The following SLC39A11 variants were observed in gnomAD, a reference collection of about 807,000 sequenced individuals.
The protein encoded by SLC39A11 is zinc transporter ZIP11.
A neutral mutation model predicts 36.1 loss-of-function variants in SLC39A11; 33 were observed. That is an observed-to-expected ratio of 0.91 (90% CI 0.69 to 1.22). SLC39A11 has a LOEUF of 1.22. Ranked by LOEUF, SLC39A11 falls within the 50% of genes most tolerant of loss-of-function variation. SLC39A11 has a pLI of 0.00. For missense variants in SLC39A11, 432 were observed against 430.3 expected, an observed-to-expected ratio of 1.00 and a Z score of -0.03; for synonymous variants, 166 against 170.3, an observed-to-expected ratio of 0.97 and a Z score of 0.20.
At chr17:73,029,992 C>A (rs2058687595) in intron 4 of SLC39A11, among the ~76,000 whole-genome samples, 1 of 152,128 alleles carries the variant, frequency 6.6e-6, no homozygotes, top group South Asian at 2.1e-4. Flanking sequence ...TTTCCATGGA[C>A]AGGGGCCGGG....
chr17:72,704,435 G>C (rs2072796660), intron 7 of SLC39A11, among the ~76,000 whole-genome samples: 1 of 152,160 alleles, frequency 6.6e-6, no homozygotes, highest in Admixed American at 6.5e-5. Context: ...CCATCATTTA[G>C]ATTAAAGAAG....
chr17:72,844,715 AG>A (rs535150910), intron 6 of SLC39A11, among the ~76,000 whole-genome samples: 87 of 152,314 alleles, frequency 5.7e-4, no homozygotes, highest in African/African-American at 1.9e-3. Context: ...CCAATGATTC[AG>A]AAATCTATAA....
intron 3 of SLC39A11, among the ~76,000 whole-genome samples, chr17:73,076,764 A>C (rs1490460178): frequency 6.6e-6 from 1 of 151,808 alleles, no homozygotes; most frequent in Non-Finnish European, 1.5e-5. Flanking sequence ...GTGACCTAGG[A>C]GAAGTAAGGG....
chr17:72,977,066 C>T (rs1413500784), intron 4 of SLC39A11, among the ~76,000 whole-genome samples: 2 of 152,056 alleles, frequency 1.3e-5, no homozygotes, highest in African/African-American at 4.8e-5. Context: ...ATAAGATTAC[C>T]CGGTTGGGCC....
Position 72,752,208 on chromosome 17 carries a change from T to C in SLC39A11, c.602-15489A>G, listed in dbSNP as rs191573114. Among the ~76,000 whole-genome samples the C allele has an allele frequency of 1.5e-3, 234 of 152,308 alleles. 3 individuals carry two copies. The highest frequency in any genetic ancestry group is 6.8e-3 in the Middle Eastern group (2 of 294). On this transcript the variant is annotated intron_variant, in intron 6 of 9. Transcript: ENST00000255559. Reference sequence around the variant, plus strand: ...GTGACTTAATAGCTTGACTTGAAAGTGCTGCATCCCAAGTTACCTCTCCTT... The same window carrying C: ...GTGACTTAATAGCTTGACTTGAAAGCGCTGCATCCCAAGTTACCTCTCCTT...
At position 73,080,452 on chromosome 17, in the gene SLC39A11, A is replaced by G. The variant is rs151028015; in HGVS notation, c.147+4356T>C. ...GCCACATATAGAAGAACAAAACTGG[A>G]TCCTCATCTCTCACCTTATACAAAA... On this transcript the variant is annotated intron_variant, in intron 3 of 9. Coordinates refer to ENST00000255559, the MANE Select transcript of SLC39A11 (RefSeq NM_139177.4). 8.0e-3 allele frequency among the ~76,000 whole-genome samples: 1,213 copies of G among 152,320 alleles called. 24 individuals carry two copies. The highest frequency in any genetic ancestry group is 0.027 in the African/African-American group (1,125 of 41,568).
intron 5 of SLC39A11, among the ~76,000 whole-genome samples, chr17:72,871,755 A>C (rs1598209247): frequency 6.6e-6 from 1 of 152,120 alleles, no homozygotes; most frequent in East Asian, 1.9e-4. Flanking sequence ...ATTACCTGTA[A>C]GTAAATTGTT....
intron 6 of SLC39A11, among the ~76,000 whole-genome samples, chr17:72,762,795 C>A (rs943380011): frequency 5.3e-5 from 8 of 151,960 alleles, no homozygotes; most frequent in African/African-American, 1.7e-4. Flanking sequence ...CCATTCGATT[C>A]CTACTCAAAC....
intron 6 of SLC39A11, among the ~76,000 whole-genome samples, chr17:72,780,498 A>G (rs1332537339): frequency 3.9e-5 from 4 of 102,424 alleles, no homozygotes; most frequent in Non-Finnish European, 7.5e-5. Flanking sequence ...CGTGCACCGC[A>G]CAGTGCTAAG....
chr17:72,949,375 G>A (rs944044190), intron 4 of SLC39A11, among the ~76,000 whole-genome samples: 2 of 151,644 alleles, frequency 1.3e-5, no homozygotes, highest in Admixed American at 6.6e-5. Flanking sequence ...TGGCCAGGCT[G>A]GTCTCAAACT....
chr17:72,916,239 C>G (rs1003803542), intron 5 of SLC39A11, among the ~76,000 whole-genome samples: 2 of 149,452 alleles, frequency 1.3e-5, no homozygotes, highest in African/African-American at 2.4e-5. Flanking sequence ...TATATCTGTA[C>G]ACACAAACAC....
At position 73,080,308 on chromosome 17, in the gene SLC39A11, A is replaced by C. The variant is rs145085750; in HGVS notation, c.147+4500T>G. ...ATAGACATGTAGACCAATGGAATAG[A>C]ATAGAGAACCCAGAAATAAAGGTAA... On this transcript the variant is annotated intron_variant, in intron 3 of 9. Transcript: ENST00000255559. Among the ~76,000 whole-genome samples the C allele has an allele frequency of 3.3e-3, 505 of 152,326 alleles. 2 individuals carry two copies. Among genetic ancestry groups the C allele is most frequent in the African/African-American group, 0.012 (485 of 41,574 alleles).
chr17:72,725,178 C>T (rs1482373537), intron 7 of SLC39A11, among the ~76,000 whole-genome samples: 1 of 152,190 alleles, frequency 6.6e-6, no homozygotes, highest in African/African-American at 2.4e-5. Context: ...CCTCTCCCCT[C>T]CAAATGGCAA....
intron 6 of SLC39A11, among the ~76,000 whole-genome samples, chr17:72,783,627 G>C (rs534704630): frequency 3.3e-5 from 5 of 152,200 alleles, no homozygotes; most frequent in African/African-American, 9.7e-5. Context: ...AGTTATCAGC[G>C]TATGGATGGT....
At chr17:72,802,392 C>G (rs966615593) in intron 6 of SLC39A11, among the ~76,000 whole-genome samples, 1 of 151,750 alleles carries the variant, frequency 6.6e-6, no homozygotes, top group Non-Finnish European at 1.5e-5. Flanking sequence ...GAGTTTGAGA[C>G]CAGCCTGACC....
chr17:72,988,814 T>TC (rs1288850559), intron 4 of SLC39A11, among the ~76,000 whole-genome samples: 1 of 152,156 alleles, frequency 6.6e-6, no homozygotes, highest in Non-Finnish European at 1.5e-5. Flanking sequence ...GTTCAAGTGA[T>TC]CCTCCCACCT....
chr17:72,690,118 C>T (rs1012521296), intron 7 of SLC39A11, among the ~76,000 whole-genome samples: 1 of 152,162 alleles, frequency 6.6e-6, no homozygotes, highest in Non-Finnish European at 1.5e-5. Context: ...CTGGGGCAAG[C>T]GAGGCCCATC....
intron 3 of SLC39A11, among the ~76,000 whole-genome samples, chr17:73,076,344 T>C (rs1173088520): frequency 6.6e-6 from 1 of 152,152 alleles, no homozygotes; most frequent in African/African-American, 2.4e-5. Context: ...ACTTGCGAAA[T>C]ATATTTTTGC....
intron 3 of SLC39A11, chr17:73,068,339 A>G (rs1456044383): frequency 1.8e-6 from 1 of 551,806 alleles, no homozygotes; most frequent in Middle Eastern, 4.6e-4. Flanking sequence ...ACTATGTTTC[A>G]GGTCTCAATT....
Sources: gnomAD v4.1 joint callset for allele counts (sites outside exome capture counted in the v4.1 genomes callset) on GRCh38, gnomAD v4.1.1 for gene constraint, MANE v1.5 for transcripts, NCBI Gene and HGNC (gene_info 2026-07-23, HGNC 2026-07-21) for gene names.